The following SPSB4 variants were observed in gnomAD, a reference collection of about 807,000 sequenced individuals.
The protein encoded by SPSB4 is splA/ryanodine receptor domain and SOCS box containing 4.
SPSB4 carries 21 observed loss-of-function variants against 20.9 expected under a neutral mutation model. The observed-to-expected ratio is 1.01, with a 90% confidence interval of 0.71 to 1.45. SPSB4 has a LOEUF of 1.45. SPSB4 is among the 40% of genes most tolerant of loss of function. SPSB4 has a pLI of 0.00. For missense variants in SPSB4, 399 were observed against 399.2 expected (o/e 1.00, Z 0.00); for synonymous variants, 207 against 183.8 (o/e 1.13, Z -1.02).
intron 1 of SPSB4, among the ~76,000 whole-genome samples, chr3:141,059,127 GT>G (rs1202192661): frequency 1.3e-5 from 2 of 152,046 alleles, no homozygotes; most frequent in Non-Finnish European, 2.9e-5. Flanking sequence ...CCTGAAAGAT[GT>G]CCCCCTGGCT....
rs79745657 is a variant in SPSB4, at chr3:141,087,835, G to A, written c.694+21037G>A. On this transcript the variant is annotated intron_variant, in intron 2 of 2. Transcript: ENST00000310546. ...CCTGTGAGGAGTTGCTGCCGGATGC[G>A]TTCTGGCCTTGTCTGTGGTAGGGGT... 4.0e-3 allele frequency among the ~76,000 whole-genome samples: 607 copies of A among 152,272 alleles called. 1 individual carries two copies. Among genetic ancestry groups the A allele is most frequent in the Admixed American group, 6.7e-3 (103 of 15,298 alleles).
intron 2 of SPSB4, among the ~76,000 whole-genome samples, chr3:141,081,125 G>C (rs559867676): frequency 2.0e-5 from 3 of 152,212 alleles, no homozygotes; most frequent in Non-Finnish European, 4.4e-5. Flanking sequence ...TTACACTGTG[G>C]TGCTACATCA....
chr3:141,116,214 C>T (rs918801869), intron 2 of SPSB4, among the ~76,000 whole-genome samples: 2 of 152,258 alleles, frequency 1.3e-5, no homozygotes, highest in African/African-American at 2.4e-5. Flanking sequence ...TGATGGTGGT[C>T]GTTCTGGTGG....
At chr3:141,127,742 G>A (rs947145819) in intron 2 of SPSB4, among the ~76,000 whole-genome samples, 1 of 152,196 alleles carries the variant, frequency 6.6e-6, no homozygotes, top group South Asian at 2.1e-4. Context: ...GAAGGAAGGC[G>A]AGGCCACTCT....
At position 141,067,571 on chromosome 3, in the gene SPSB4, G is replaced by C. The variant is rs368510763; in HGVS notation, c.694+773G>C. On this transcript the variant is annotated intron_variant, in intron 2 of 2. Coordinates refer to ENST00000310546, the MANE Select transcript of SPSB4 (RefSeq NM_080862.3). ...CCACAAGCTGCTGGGGTTGACCCCTGACAACTCTATGGCTTCCTCTCATTT... is the reference window on the plus strand; with the variant it reads ...CCACAAGCTGCTGGGGTTGACCCCTCACAACTCTATGGCTTCCTCTCATTT... Among the ~76,000 whole-genome samples the C allele has an allele frequency of 7.2e-5, 11 of 152,354 alleles. No individual in the cohort carries two copies. In the East Asian group the frequency reaches 1.9e-3, roughly 27 times the overall value.
intron 2 of SPSB4, among the ~76,000 whole-genome samples, chr3:141,067,196 A>T (rs1937905348): frequency 6.6e-6 from 1 of 152,216 alleles, no homozygotes; most frequent in Non-Finnish European, 1.5e-5. Context: ...GCTAGTCACA[A>T]TGGGAAGACA....
At chr3:141,129,232 A>G (rs1268540730) in intron 2 of SPSB4, among the ~76,000 whole-genome samples, 2 of 152,176 alleles carry the variant, frequency 1.3e-5, no homozygotes, top group Admixed American at 6.5e-5. Flanking sequence ...CCCATGCTCT[A>G]TTCAGCTTCT....
intron 2 of SPSB4, among the ~76,000 whole-genome samples, chr3:141,124,824 G>A (rs1351954654): frequency 1.3e-5 from 2 of 152,132 alleles, no homozygotes; most frequent in African/African-American, 4.8e-5. Flanking sequence ...CACAGACAGG[G>A]CATGTGGACC....
chr3:141,066,932 C>A, intron 2 of SPSB4, 134 bp downstream of exon 2: 2 of 879,678 alleles, frequency 2.3e-6, no homozygotes, highest in Non-Finnish European at 3.1e-6. Context: ...GGGTTTCAAT[C>A]CTGACTCTCT....
intron 2 of SPSB4, among the ~76,000 whole-genome samples, chr3:141,076,521 A>T (rs1938112985): frequency 6.6e-6 from 1 of 152,164 alleles, no homozygotes; most frequent in Non-Finnish European, 1.5e-5. Context: ...GCCCAGCTCC[A>T]CCGCCCTGCA....
At chr3:141,135,732 C>A (rs1939216979) in intron 2 of SPSB4, among the ~76,000 whole-genome samples, 1 of 152,032 alleles carries the variant, frequency 6.6e-6, no homozygotes, top group African/African-American at 2.4e-5. Flanking sequence ...TTTCTTAATC[C>A]AGTCTATCAT....
chr3:141,112,233 C>A (rs1243468536), intron 2 of SPSB4, among the ~76,000 whole-genome samples: 1 of 152,202 alleles, frequency 6.6e-6, no homozygotes, highest in Admixed American at 6.5e-5. Context: ...ATTAAATGAG[C>A]TAATTTATGG....
intron 2 of SPSB4, among the ~76,000 whole-genome samples, chr3:141,072,715 A>G (rs576853112): frequency 1.3e-5 from 2 of 152,230 alleles, no homozygotes; most frequent in Non-Finnish European, 1.5e-5. Context: ...AAAACAGACT[A>G]AAACATTACT....
intron 2 of SPSB4, among the ~76,000 whole-genome samples, chr3:141,133,661 A>G (rs143223383): frequency 0.069 from 10,518 of 152,226 alleles, 741 homozygotes; most frequent in Admixed American, 0.22. Flanking sequence ...GCCTATTTTT[A>G]TACCAGTACC....
chr3:141,102,624 CAGGTGA>C (rs1938629260), intron 2 of SPSB4, among the ~76,000 whole-genome samples: 1 of 152,086 alleles, frequency 6.6e-6, no homozygotes, highest in South Asian at 2.1e-4. Flanking sequence ...ACTCAGGTGG[CAGGTGA>C]CATGCAGGGA....
intron 2 of SPSB4, among the ~76,000 whole-genome samples, chr3:141,134,304 G>C (rs1939190038): frequency 6.6e-6 from 1 of 151,762 alleles, no homozygotes; most frequent in East Asian, 1.9e-4. Context: ...GATGCCCTTT[G>C]TTTATTTCTC....
At chr3:141,074,865 A>T (rs1181889824) in intron 2 of SPSB4, among the ~76,000 whole-genome samples, 1 of 152,192 alleles carries the variant, frequency 6.6e-6, no homozygotes, top group Non-Finnish European at 1.5e-5. Flanking sequence ...AGGGAAGGGG[A>T]AGAGGTAAAG....
rs377032948 is a variant in SPSB4 at position 141,079,246 on chromosome 3, C to T, written c.694+12448C>T. On this transcript the variant is annotated intron_variant, in intron 2 of 2. Coordinates refer to ENST00000310546, the MANE Select transcript of SPSB4 (RefSeq NM_080862.3). ...ACTGCACTCCAGCCTGAGCTCCAGA[C>T]AGAGCAAGACTCCATCTCAAAAAAA... is the stretch of plus-strand genomic sequence containing the variant. Among the ~76,000 whole-genome samples, 19 of 145,522 alleles carry T rather than the reference C, an allele frequency of 1.3e-4. 1 individual carries two copies. The highest frequency in any genetic ancestry group is 5.0e-4 in the African/African-American group (19 of 37,646).
intron 2 of SPSB4, among the ~76,000 whole-genome samples, chr3:141,068,530 G>C (rs1271587845): frequency 6.6e-6 from 1 of 152,226 alleles, no homozygotes; most frequent in Non-Finnish European, 1.5e-5. Context: ...CAAGGCTCTG[G>C]AGTCTGATGT....
Sources: gnomAD v4.1 joint callset for allele counts (sites outside exome capture counted in the v4.1 genomes callset) on GRCh38, gnomAD v4.1.1 for gene constraint, MANE v1.5 for transcripts, NCBI Gene and HGNC (gene_info 2026-07-23, HGNC 2026-07-21) for gene names.